NLGN1: variants seen among roughly 807,000 people sequenced by gnomAD.
The protein encoded by NLGN1 is neuroligin 1.
A neutral mutation model predicts 65.5 loss-of-function variants in NLGN1; 12 were observed. That is an observed-to-expected ratio of 0.18 (90% CI 0.12 to 0.30). The LOEUF (loss-of-function observed/expected upper bound fraction) is 0.30. NLGN1 is among the 10% of genes least tolerant of loss of function. The pLI is 1.00. For missense variants in NLGN1, 750 were observed against 1,007.1 expected (o/e 0.74, Z 3.46); for synonymous variants, 350 against 359.5 (o/e 0.97, Z 0.30).
At chr3:174,113,871 A>G (rs895703126) in intron 4 of NLGN1, among the ~76,000 whole-genome samples, 1 of 152,166 alleles carries the variant, frequency 6.6e-6, no homozygotes, top group African/African-American at 2.4e-5. Context: ...CAAGGCTGAC[A>G]ATTGGAAGAG....
At chr3:174,150,787 A>G (rs1724170820) in intron 4 of NLGN1, among the ~76,000 whole-genome samples, 1 of 152,168 alleles carries the variant, frequency 6.6e-6, no homozygotes, top group Non-Finnish European at 1.5e-5. Flanking sequence ...AGAAAGCCGT[A>G]ATGTTGGAGA....
At chr3:174,230,496 A>C (rs11919166) in intron 4 of NLGN1, among the ~76,000 whole-genome samples, 17,475 of 152,194 alleles carry the variant, frequency 0.11, 1,810 homozygotes, top group African/African-American at 0.27. Context: ...CCTATCTTAA[A>C]ATATGAATAG....
Position 174,180,401 on chromosome 3 carries a change from A to C in NLGN1, c.647-94914A>C, listed in dbSNP as rs191848696. ...ATTTAGATAACAAAGTGAATAAACA[A>C]GTGCAATTTTGTTTTTGAGCTGTTT... On this transcript the variant is annotated intron_variant, in intron 4 of 6. Coordinates refer to ENST00000457714, the Ensembl canonical transcript of NLGN1. Among the ~76,000 whole-genome samples the C allele has an allele frequency of 5.3e-5, 8 of 152,332 alleles. No individual in the cohort carries two copies. The East Asian group carries it at 1.5e-3, about 29-fold the overall frequency.
chr3:174,139,461 G>T (rs2152686395), intron 4 of NLGN1, among the ~76,000 whole-genome samples: 1 of 150,828 alleles, frequency 6.6e-6, no homozygotes, highest in South Asian at 2.1e-4. Flanking sequence ...TTTTTTTTTA[G>T]CACTGAATAA....
intron 4 of NLGN1, among the ~76,000 whole-genome samples, chr3:174,108,241 G>A (rs966901760): frequency 3.3e-5 from 5 of 151,720 alleles, no homozygotes; most frequent in African/African-American, 1.2e-4. Context: ...ATTTTCTCCT[G>A]CATTCTTTTA....
At chr3:173,690,401 A>G (rs1043462726) in intron 3 of NLGN1, among the ~76,000 whole-genome samples, 1 of 152,096 alleles carries the variant, frequency 6.6e-6, no homozygotes, top group African/African-American at 2.4e-5. Context: ...TATGATTCCA[A>G]CTATAATGAC....
chr3:173,458,947 T>C (rs1320959325), intron 2 of NLGN1, among the ~76,000 whole-genome samples: 1 of 152,082 alleles, frequency 6.6e-6, no homozygotes, highest in Non-Finnish European at 1.5e-5. Context: ...GAGAAGACAC[T>C]AGCAGACGCC....
chr3:173,808,083 T>C (rs907458892), intron 4 of NLGN1, among the ~76,000 whole-genome samples: 21 of 152,142 alleles, frequency 1.4e-4, no homozygotes, highest in African/African-American at 4.8e-4. Context: ...AAAGACAAAA[T>C]GGCAGGGCCT....
At chr3:173,914,567 A>G (rs1273412704) in intron 4 of NLGN1, among the ~76,000 whole-genome samples, 2 of 152,130 alleles carry the variant, frequency 1.3e-5, no homozygotes, top group East Asian at 3.9e-4. Context: ...ATATGTATAT[A>G]TTTGATGAAG....
chr3:173,526,738 G>A (rs910577928), intron 2 of NLGN1, among the ~76,000 whole-genome samples: 12 of 152,034 alleles, frequency 7.9e-5, no homozygotes, highest in African/African-American at 2.9e-4. Context: ...AAATATGCCC[G>A]CTTTCCCCAC....
intron 4 of NLGN1, among the ~76,000 whole-genome samples, chr3:173,938,675 T>C (rs1745459788): frequency 6.6e-6 from 1 of 152,204 alleles, no homozygotes; most frequent in Non-Finnish European, 1.5e-5. Flanking sequence ...ATTTGGCTTC[T>C]CTAATACTAT....
At chr3:173,623,194 T>C (rs560999137) in intron 3 of NLGN1, among the ~76,000 whole-genome samples, 84 of 152,230 alleles carry the variant, frequency 5.5e-4, no homozygotes, top group Middle Eastern at 3.4e-3. Flanking sequence ...TTCTCATGTA[T>C]TCTGTCCATA....
intron 2 of NLGN1, 119 bp from the exon 2 acceptor site, chr3:173,604,160 C>T (rs1168650904): frequency 1.9e-5 from 3 of 156,464 alleles, no homozygotes; most frequent in African/African-American, 7.2e-5. Context: ...CCTATGGTAA[C>T]ATTTAACTTA....
At chr3:173,886,641 C>T (rs1734385154) in intron 4 of NLGN1, among the ~76,000 whole-genome samples, 1 of 152,106 alleles carries the variant, frequency 6.6e-6, no homozygotes, top group South Asian at 2.1e-4. Flanking sequence ...TCTAACAATG[C>T]ATTTTACCAG....
At chr3:173,508,319 A>G (rs1467072824) in intron 2 of NLGN1, among the ~76,000 whole-genome samples, 2 of 152,166 alleles carry the variant, frequency 1.3e-5, no homozygotes, top group African/African-American at 4.8e-5. Flanking sequence ...AAATTAGGTT[A>G]TGATGCATGT....
At chr3:174,253,266 A>G (rs1745094951) in intron 4 of NLGN1, among the ~76,000 whole-genome samples, 2 of 152,270 alleles carry the variant, frequency 1.3e-5, no homozygotes, top group Admixed American at 6.5e-5. Flanking sequence ...ATTCTGAAAA[A>G]GGACTCACTC....
At chr3:173,496,936 C>A (rs1297931895) in intron 2 of NLGN1, among the ~76,000 whole-genome samples, 1 of 151,668 alleles carries the variant, frequency 6.6e-6, no homozygotes, top group Non-Finnish European at 1.5e-5. Context: ...TTGTTTAATC[C>A]TTTTATTACA....
rs186731398 is a variant in NLGN1, at chr3:173,588,676, G to A, written c.-320-15603G>A. Among the ~76,000 whole-genome samples the A allele has an allele frequency of 9.1e-4, 138 of 152,254 alleles. 1 individual carries two copies. In the Middle Eastern group the frequency reaches 0.017, roughly 19 times the overall value. The stretch of plus-strand genomic sequence containing the variant: ...GCATGTGAGAGAAATTCTAGTCAAT[G>A]GCAAAGCGCTTCACTGCTGCCATTA... On this transcript the variant is annotated intron_variant, in intron 2 of 6. Transcript: ENST00000457714.
intron 2 of NLGN1, among the ~76,000 whole-genome samples, chr3:173,465,301 T>TG (rs1290069484): frequency 6.6e-6 from 1 of 152,170 alleles, no homozygotes; most frequent in African/African-American, 2.4e-5. Context: ...CAATCCACTT[T>TG]AGTTGTTGCT....
Sources: allele counts gnomAD v4.1 joint callset (sites outside exome capture counted in the v4.1 genomes callset), GRCh38; gene constraint gnomAD v4.1.1; transcripts MANE v1.5; gene names NCBI Gene and HGNC (gene_info 2026-07-23, HGNC 2026-07-21).